The following DHX32 variants were observed in gnomAD, a reference collection of about 807,000 sequenced individuals.
DHX32 encodes DEAH-box helicase 32 (putative), also known as putative pre-mRNA-splicing factor ATP-dependent RNA helicase DHX32.
DHX32 carries 51 observed loss-of-function variants against 70.0 expected under a neutral mutation model. The ratio of observed to expected loss-of-function variants is 0.73; its 90% CI spans 0.58 to 0.92. The LOEUF (loss-of-function observed/expected upper bound fraction) is 0.92. Ranked by LOEUF, DHX32 falls within the 40% of genes least tolerant of loss-of-function variation. DHX32 has a pLI of 0.00. For missense variants in DHX32, 762 were observed against 891.8 expected, an observed-to-expected ratio of 0.85 and a Z score of 1.85; for synonymous variants, 310 against 315.3, an observed-to-expected ratio of 0.98 and a Z score of 0.18.
At chr10:125,844,400 A>T (rs1440082440) in intron 6 of DHX32, among the ~76,000 whole-genome samples, 1 of 152,216 alleles carries the variant, frequency 6.6e-6, no homozygotes, top group Non-Finnish European at 1.5e-5. Context: ...CCCAAAGGGC[A>T]CCTACTATTC....
chr10:125,838,931 T>C lies in DHX32; in HGVS notation c.1881+70A>G, dbSNP rs1028010690. ...TGTCAAAATCATCATCCTAAGCCAT[T>C]GTTGGCAGCATATCCTGAGTATGTG... On this transcript the variant is annotated intron_variant, in intron 9 of 10. Transcript: ENST00000284690. The C allele has an allele frequency of 2.1e-6, 3 of 1,458,466 alleles. No individual in the cohort carries two copies. The African/African-American group carries it at 4.3e-5, about 21-fold the overall frequency. 90.3% of individuals were successfully genotyped at this position (1,458,466 alleles called of 1,614,324 possible). A position where few individuals can be genotyped will look rare whatever the true frequency, so the allele number is the denominator to read the frequency against.
At chr10:125,841,099 G>A in intron 7 of DHX32, 103 bp from the exon 8 acceptor site, 1 of 1,412,094 alleles carries the variant, frequency 7.1e-7, no homozygotes, top group South Asian at 1.3e-5. Context: ...CATGGCTCCT[G>A]TCTTGGTACT....
intron 1 of DHX32, among the ~76,000 whole-genome samples, chr10:125,889,677 C>G (rs1279648416): frequency 2.6e-5 from 4 of 152,230 alleles, no homozygotes; most frequent in Admixed American, 6.5e-5. Context: ...TGGCCCTGAT[C>G]TGCAGGCCAC....
intron 6 of DHX32, among the ~76,000 whole-genome samples, chr10:125,846,714 G>A (rs1006592327): frequency 7.9e-5 from 12 of 152,132 alleles, no homozygotes; most frequent in African/African-American, 1.7e-4. Flanking sequence ...TTTGTGCCAC[G>A]TGACAACACC....
At chr10:125,838,843 T>C (rs955969706) in intron 9 of DHX32, among the ~76,000 whole-genome samples, 158 bp downstream of exon 9, 1 of 152,204 alleles carries the variant, frequency 6.6e-6, no homozygotes, top group South Asian at 2.1e-4. Flanking sequence ...TTTATTCCCT[T>C]GAGGGGAAGG....
intron 6 of DHX32, among the ~76,000 whole-genome samples, chr10:125,844,746 T>G (rs1943990674): frequency 6.6e-6 from 1 of 152,178 alleles, no homozygotes; most frequent in African/African-American, 2.4e-5. Flanking sequence ...GGAATGGAAG[T>G]GTTTTAGTGT....
At chr10:125,894,564 TAATC>T (rs1944402559) in intron 1 of DHX32, among the ~76,000 whole-genome samples, 1 of 152,266 alleles carries the variant, frequency 6.6e-6, no homozygotes, top group African/African-American at 2.4e-5. Context: ...GCTGATAAAA[TAATC>T]ATTCTATATG....
intron 1 of DHX32, among the ~76,000 whole-genome samples, chr10:125,874,652 C>T (rs768793007): frequency 7.9e-5 from 12 of 152,104 alleles, no homozygotes; most frequent in Admixed American, 1.3e-4. Flanking sequence ...GTGAATAACA[C>T]GAAGCCCTGT....
chr10:125,878,183 A>G lies in DHX32; in HGVS notation c.282+2360T>C, dbSNP rs542633393. Among the ~76,000 whole-genome samples, 5 of 152,340 alleles carry G rather than the reference A, an allele frequency of 3.3e-5. No homozygotes were observed. In the South Asian group the frequency reaches 1.0e-3, roughly 32 times the overall value. ...CCAGAATATGACTGAAGGAGACCAG[A>G]ATATGTGACCCCAAAATATGCCTCC... On this transcript the variant is annotated intron_variant, in intron 1 of 10. Transcript: ENST00000284690.
rs1944228900 is a variant in DHX32, at chr10:125,867,571, CT to C, written c.283-389del. Among the ~76,000 whole-genome samples the C allele has an allele frequency of 1.3e-5, 2 of 152,036 alleles. 1 individual carries two copies. Among genetic ancestry groups the C allele is most frequent in the South Asian group, 4.1e-4 (2 of 4,826 alleles). ...CTAACATGGTGAAACCCCGTCTCTA[CT>C]TAAAATACAAAAAATTAGCTAGGCG... On this transcript the variant is annotated intron_variant, in intron 1 of 10. Coordinates refer to ENST00000284690, the MANE Select transcript of DHX32 (RefSeq NM_018180.3).
Position 125,860,752 on chromosome 10 carries a change from A to ATTTTTTT in DHX32, c.477-784_477-778dup, listed in dbSNP as rs397747204. On this transcript the variant is annotated intron_variant, in intron 2 of 10. Coordinates refer to ENST00000284690, the MANE Select transcript of DHX32 (RefSeq NM_018180.3). ...ATTACTGCTTGAAGAAACCAATCCC[A>ATTTTTTT]TTTTTTTTTTTTTTTTTTTTTGAGA... Among the ~76,000 whole-genome samples the ATTTTTTT allele has an allele frequency of 8.9e-5, 10 of 111,822 alleles. 3 individuals carry two copies. Among genetic ancestry groups the ATTTTTTT allele is most frequent in the Non-Finnish European group, 8.6e-5 (5 of 58,188 alleles). The allele number at this position is 111,822 out of a possible 152,430, so 73.4% of individuals were successfully genotyped here.
At chr10:125,890,238 A>AAAG (rs1211298090) in intron 1 of DHX32, among the ~76,000 whole-genome samples, 4 of 152,296 alleles carry the variant, frequency 2.6e-5, no homozygotes, top group African/African-American at 9.6e-5. Context: ...TTTCTAACAC[A>AAAG]AAGTTACAGT....
intron 1 of DHX32, among the ~76,000 whole-genome samples, chr10:125,888,202 ATTTT>A (rs36204414): frequency 1.5e-5 from 2 of 132,828 alleles, no homozygotes; most frequent in South Asian, 2.3e-4. Context: ...TGAGCAATGC[ATTTT>A]TTTTTTTTTT....
upstream of DHX32, among the ~76,000 whole-genome samples, chr10:125,881,752 C>T (rs768972035): frequency 1.7e-4 from 26 of 152,190 alleles, no homozygotes; most frequent in Non-Finnish European, 3.1e-4. Flanking sequence ...TGTTTTCCCC[C>T]TGCCTCAGCC....
intron 6 of DHX32, among the ~76,000 whole-genome samples, chr10:125,846,198 C>A (rs1435511909): frequency 6.6e-6 from 1 of 152,204 alleles, no homozygotes; most frequent in Non-Finnish European, 1.5e-5. Flanking sequence ...GTTCTTACAG[C>A]CAGGAAGCTG....
intron 1 of DHX32, among the ~76,000 whole-genome samples, chr10:125,877,466 C>A (rs999644653): frequency 6.6e-6 from 1 of 151,986 alleles, no homozygotes; most frequent in Non-Finnish European, 1.5e-5. Context: ...GTGGGAGGAT[C>A]GCTTGAGCCC....
chr10:125,894,711 C>T (rs28562202), intron 1 of DHX32, among the ~76,000 whole-genome samples: 289 of 147,400 alleles, frequency 2.0e-3, no homozygotes, highest in African/African-American at 5.7e-3. Context: ...TAATCCTTTA[C>T]TGTTTGAGCA....
At chr10:125,845,901 C>T (rs891790964) in intron 6 of DHX32, among the ~76,000 whole-genome samples, 1 of 152,170 alleles carries the variant, frequency 6.6e-6, no homozygotes, top group Non-Finnish European at 1.5e-5. Context: ...TGCTCCTGCC[C>T]GTGACATGGA....
Position 125,894,910 on chromosome 10 carries a change from T to C in DHX32, c.-248+1308A>G, listed in dbSNP as rs1277110915. Among the ~76,000 whole-genome samples the C allele has an allele frequency of 3.3e-5, 5 of 152,216 alleles. No homozygotes were observed. In the East Asian group the frequency reaches 9.7e-4, roughly 29 times the overall value. On this transcript the variant is annotated intron_variant, in intron 1 of 2. Coordinates refer to the DHX32 transcript ENST00000415732. ...TGGATACAGGAGTACTGCTGATCTTTATACTTTCTGTCTAAAAATGAAGCC... is the reference window on the plus strand; with the variant it reads ...TGGATACAGGAGTACTGCTGATCTTCATACTTTCTGTCTAAAAATGAAGCC...
Sources: allele counts gnomAD v4.1 joint callset (sites outside exome capture counted in the v4.1 genomes callset), GRCh38; gene constraint gnomAD v4.1.1; transcripts MANE v1.5; gene names NCBI Gene and HGNC (gene_info 2026-07-23, HGNC 2026-07-21).